TRIM44: variants seen among roughly 807,000 people sequenced by gnomAD.
The protein encoded by TRIM44 is tripartite motif-containing protein 44.
A neutral mutation model predicts 37.4 loss-of-function variants in TRIM44; 13 were observed. That is an observed-to-expected ratio of 0.35 (90% CI 0.23 to 0.55). The LOEUF is 0.55. TRIM44 is among the 20% of genes least tolerant of loss of function. The pLI is 0.89. For synonymous variants in TRIM44, 175 were observed against 157.2 expected (o/e 1.11, Z -0.85); for missense variants, 426 against 437.2 (o/e 0.97, Z 0.23).
At chr11:35,700,067 A>G (rs762670060) in intron 2 of TRIM44, among the ~76,000 whole-genome samples, 80 of 152,188 alleles carry the variant, frequency 5.3e-4, no homozygotes, top group Non-Finnish European at 2.8e-4. Context: ...TGAAGCTACC[A>G]ATGACTTTCT....
At chr11:35,759,924 G>C (rs867124020) in intron 4 of TRIM44, among the ~76,000 whole-genome samples, 5 of 152,226 alleles carry the variant, frequency 3.3e-5, no homozygotes, top group Non-Finnish European at 7.3e-5. Flanking sequence ...CTGTCTCCCA[G>C]TTAGGCTACT....
At chr11:35,710,840 C>T (rs976848431) in intron 2 of TRIM44, among the ~76,000 whole-genome samples, 3 of 152,084 alleles carry the variant, frequency 2.0e-5, no homozygotes, top group African/African-American at 7.2e-5. Flanking sequence ...ATTCTTCTGC[C>T]AAAGAGGCGT....
At chr11:35,760,836 A>T (rs1036225200) in intron 4 of TRIM44, among the ~76,000 whole-genome samples, 1 of 152,186 alleles carries the variant, frequency 6.6e-6, no homozygotes, top group African/African-American at 2.4e-5. Flanking sequence ...TCAGAAATAC[A>T]GTATTTTATC....
intron 2 of TRIM44, 76 bp downstream of exon 2, chr11:35,685,412 TTGA>T: frequency 2.5e-6 from 3 of 1,211,380 alleles, no homozygotes; most frequent in Non-Finnish European, 2.4e-6. Flanking sequence ...TTGTGAGGTG[TTGA>T]TGATCATCTC....
chr11:35,699,483 C>G (rs1412348585), intron 2 of TRIM44, among the ~76,000 whole-genome samples: 1 of 151,992 alleles, frequency 6.6e-6, no homozygotes, highest in Non-Finnish European at 1.5e-5. Context: ...ATGACAAACC[C>G]ACAGCCAATA....
At chr11:35,702,841 G>A (rs1420619218) in intron 2 of TRIM44, among the ~76,000 whole-genome samples, 1 of 152,244 alleles carries the variant, frequency 6.6e-6, no homozygotes, top group African/African-American at 2.4e-5. Context: ...CAGAAGACGG[G>A]TGATTTCTGC....
chr11:35,710,076 C>T (rs1851947539), intron 2 of TRIM44, among the ~76,000 whole-genome samples: 1 of 152,176 alleles, frequency 6.6e-6, no homozygotes, highest in Non-Finnish European at 1.5e-5. Flanking sequence ...CAGTGTGTGA[C>T]TGGATGAAAT....
intron 4 of TRIM44, among the ~76,000 whole-genome samples, chr11:35,747,832 G>A (rs1656343254): frequency 6.6e-6 from 1 of 151,820 alleles, no homozygotes; most frequent in African/African-American, 2.4e-5. Flanking sequence ...GGCAACAGCA[G>A]GAGAGGCAAG....
chr11:35,778,682 AG>A (rs1207946058), intron 4 of TRIM44, among the ~76,000 whole-genome samples: 2 of 152,186 alleles, frequency 1.3e-5, no homozygotes, highest in Non-Finnish European at 2.9e-5. Flanking sequence ...TCCTTCTAAC[AG>A]TCAGGACCCT....
rs1167967108 is a variant in TRIM44 at position 35,811,021 on chromosome 11, T to C, written c.*4636T>C. The stretch of plus-strand genomic sequence containing the variant: ...GTTCGGACTTGGTGCCCCTGTGCAT[T>C]TGGAAATCAATAAACTATTACTGGA... On this transcript the variant is annotated 3_prime_UTR_variant, in exon 5 of 5. Coordinates refer to ENST00000299413, the MANE Select transcript of TRIM44 (RefSeq NM_017583.6). 1.3e-5 allele frequency: 2 copies of C among 152,216 alleles called. No individual in the cohort carries two copies. Among genetic ancestry groups the C allele is most frequent in the Non-Finnish European group, 2.9e-5 (2 of 68,028 alleles). 9.4% of individuals were successfully genotyped at this position (152,216 alleles called of 1,614,324 possible).
rs1191002606 is a variant in TRIM44, at chr11:35,809,688, G to A, written c.*3303G>A. On this transcript the variant is annotated 3_prime_UTR_variant, in exon 5 of 5. Coordinates refer to ENST00000299413, the MANE Select transcript of TRIM44 (RefSeq NM_017583.6). ...TGAAAATGTCTGCAGCTTCACTCCTGTAGAAAAGGAAATCTTCATATTTTA... is the reference window on the plus strand; with the variant it reads ...TGAAAATGTCTGCAGCTTCACTCCTATAGAAAAGGAAATCTTCATATTTTA... 1 of 152,142 alleles carries A rather than the reference G, an allele frequency of 6.6e-6. No individual in the cohort carries two copies. The highest frequency in any genetic ancestry group is 2.4e-5 in the African/African-American group (1 of 41,430). The allele number at this position is 152,142 out of a possible 1,614,324, so 9.4% of individuals were successfully genotyped here.
At chr11:35,742,712 ATATT>A (rs910298178) in intron 4 of TRIM44, among the ~76,000 whole-genome samples, 4 of 137,462 alleles carry the variant, frequency 2.9e-5, no homozygotes, top group African/African-American at 1.1e-4. Context: ...TATATTAACT[ATATT>A]AAATATAATT....
chr11:35,787,527 T>A (rs1412607178), intron 4 of TRIM44, among the ~76,000 whole-genome samples: 1 of 152,156 alleles, frequency 6.6e-6, no homozygotes, highest in Non-Finnish European at 1.5e-5. Flanking sequence ...TAATTCTGAC[T>A]GTCTTCACCA....
intron 2 of TRIM44, among the ~76,000 whole-genome samples, chr11:35,710,963 C>T (rs1029374150): frequency 5.3e-5 from 8 of 152,098 alleles, no homozygotes; most frequent in Non-Finnish European, 4.4e-5. Flanking sequence ...ATATATGATT[C>T]TATCTATATG....
At chr11:35,665,055 T>TA (rs1205963275) in intron 1 of TRIM44, among the ~76,000 whole-genome samples, 1 of 152,248 alleles carries the variant, frequency 6.6e-6, no homozygotes, top group Non-Finnish European at 1.5e-5. Flanking sequence ...TGAGTGACTG[T>TA]AGTTTATTCA....
chr11:35,749,375 G>T (rs1017391577), intron 4 of TRIM44, among the ~76,000 whole-genome samples: 3 of 152,136 alleles, frequency 2.0e-5, no homozygotes, highest in South Asian at 2.1e-4. Flanking sequence ...ATATACAAAA[G>T]ATAGAATAAG....
At chr11:35,797,259 A>G (rs1853305705) in intron 4 of TRIM44, among the ~76,000 whole-genome samples, 1 of 152,254 alleles carries the variant, frequency 6.6e-6, no homozygotes, top group African/African-American at 2.4e-5. Context: ...ATATTGGATT[A>G]TAACCCAAAG....
chr11:35,670,972 A>G (rs1361492189), intron 1 of TRIM44, among the ~76,000 whole-genome samples: 1 of 152,228 alleles, frequency 6.6e-6, no homozygotes, highest in East Asian at 1.9e-4. Flanking sequence ...TTCGAGTGCA[A>G]TGTACATTTA....
At chr11:35,805,721 C>A (rs542142370) in intron 4 of TRIM44, among the ~76,000 whole-genome samples, 11 of 152,286 alleles carry the variant, frequency 7.2e-5, no homozygotes, top group African/African-American at 2.6e-4. Flanking sequence ...TTCTTATATG[C>A]TGTAGTCATG....
Sources: allele counts gnomAD v4.1 joint callset (sites outside exome capture counted in the v4.1 genomes callset), GRCh38; gene constraint gnomAD v4.1.1; transcripts MANE v1.5; gene names NCBI Gene and HGNC (gene_info 2026-07-23, HGNC 2026-07-21).